The following NOS1 variants were observed in gnomAD, a reference collection of about 807,000 sequenced individuals.
NOS1 encodes the protein NOS type I.
NOS1 carries 51 observed loss-of-function variants against 164.5 expected under a neutral mutation model. The observed-to-expected ratio is 0.31, with a 90% CI of 0.25 to 0.39. The LOEUF is 0.39. NOS1 is among the 10% of genes least tolerant of loss of function. The probability of loss-of-function intolerance (pLI) is 1.00; values close to 1 mark genes in which losing one functional copy is unlikely to be tolerated. For missense variants in NOS1, 1,362 were observed against 1,885.6 expected (o/e 0.72, Z 5.14); for synonymous variants, 719 against 745.8 (o/e 0.96, Z 0.59).
At chr12:117,255,886 T>C in intron 16 of NOS1, 1 of 1,161,326 alleles carries the variant, frequency 8.6e-7, no homozygotes, top group Non-Finnish European at 1.2e-6. Context: ...GCATTGGGTG[T>C]GCATGCATAC....
chr12:117,260,643 A>C (rs773819800), intron 13 of NOS1, 34 bp from the exon 14 acceptor site: 29 of 1,599,326 alleles, frequency 1.8e-5, no homozygotes, highest in Non-Finnish European at 2.5e-5. Context: ...AAAAATGGGC[A>C]ACAGAAAAGG....
In NOS1 at chr12:117,210,318, A is replaced by C; in HGVS notation, c.*4991T>G. Reference sequence around the variant, plus strand: ...AGAGGACATTTGGATGCAGGAGACTATGAAGGTTGGGGACAGCCAGAGAGT... The same window carrying C: ...AGAGGACATTTGGATGCAGGAGACTCTGAAGGTTGGGGACAGCCAGAGAGT... On this transcript the variant is annotated 3_prime_UTR_variant, in exon 29 of 29. Coordinates refer to ENST00000317775, the MANE Select transcript of NOS1 (RefSeq NM_000620.5). 1.0e-6 allele frequency: 1 copy of C among 985,240 alleles called. No individual in the cohort carries two copies. Among genetic ancestry groups the C allele is most frequent in the Non-Finnish European group, 1.2e-6 (1 of 829,924 alleles). The allele number at this position is 985,240 out of a possible 1,614,324, so 61.0% of individuals were successfully genotyped here. A position where few individuals can be genotyped will look rare whatever the true frequency, so the allele number is the denominator to read the frequency against.
intron 1 of NOS1, among the ~76,000 whole-genome samples, chr12:117,347,165 T>A (rs1397336019): frequency 2.0e-5 from 3 of 152,010 alleles, no homozygotes; most frequent in Admixed American, 1.3e-4. Context: ...TGCACACCTG[T>A]AGTCCCAGCT....
chr12:117,261,474 CAT>C (rs950080385), intron 13 of NOS1, among the ~76,000 whole-genome samples: 5 of 151,744 alleles, frequency 3.3e-5, no homozygotes, highest in African/African-American at 1.2e-4. Context: ...TGTGTATGCA[CAT>C]GTGTGAATGA....
At chr12:117,306,454 T>C (rs1874151335) in intron 3 of NOS1, among the ~76,000 whole-genome samples, 1 of 152,130 alleles carries the variant, frequency 6.6e-6, no homozygotes, top group Non-Finnish European at 1.5e-5. Context: ...GGTCCTCATG[T>C]TATTTATCTA....
At chr12:117,304,158 C>T (rs772967965) in intron 3 of NOS1, among the ~76,000 whole-genome samples, 2 of 151,592 alleles carry the variant, frequency 1.3e-5, no homozygotes, top group Admixed American at 6.6e-5. Flanking sequence ...GGCGACAGAG[C>T]GAGACTCCAT....
At chr12:117,311,368 C>T (rs1593013592) in intron 3 of NOS1, 98 bp downstream of exon 3, 1 of 1,367,794 alleles carries the variant, frequency 7.3e-7, no homozygotes, top group East Asian at 2.7e-5. Context: ...CATCATGACA[C>T]AGTTTAGGAT....
Position 117,211,577 on chromosome 12 carries a change from C to T in NOS1, c.*3732G>A. On this transcript the variant is annotated 3_prime_UTR_variant, in exon 29 of 29. Transcript: ENST00000317775. ...CTCTCCCCACGGTCTGGTCCCAGCC[C>T]ACCTTTTCTCACCCTCCTCAGCCTT... 1.0e-6 allele frequency: 1 copy of T among 985,588 alleles called. No individual in the cohort carries two copies. The highest frequency in any genetic ancestry group is 1.2e-6 in the Non-Finnish European group (1 of 830,046). The allele number at this position is 985,588 out of a possible 1,614,324, so 61.1% of individuals were successfully genotyped here.
At chr12:117,302,332 C>G (rs182670141) in intron 3 of NOS1, among the ~76,000 whole-genome samples, 2 of 152,120 alleles carry the variant, frequency 1.3e-5, no homozygotes, top group African/African-American at 4.8e-5. Context: ...CGGTGGCTCA[C>G]GCCTGTAATC....
At chr12:117,219,543 G>A (rs777762216) in intron 27 of NOS1, among the ~76,000 whole-genome samples, 12 of 152,110 alleles carry the variant, frequency 7.9e-5, no homozygotes, top group Non-Finnish European at 1.6e-4. Flanking sequence ...CTGACCTTAG[G>A]TGATCCTCCC....
intron 8 of NOS1, 40 bp downstream of exon 8, chr12:117,280,685 G>A (rs1303725784): frequency 1.3e-6 from 2 of 1,595,748 alleles, no homozygotes; most frequent in East Asian, 2.2e-5. Context: ...GGACATAAGA[G>A]CCCATGTTGG....
In NOS1 at chr12:117,211,290, C is replaced by T. The variant is rs1956523666; in HGVS notation, c.*4019G>A. On this transcript the variant is annotated 3_prime_UTR_variant, in exon 29 of 29. Coordinates refer to ENST00000317775, the MANE Select transcript of NOS1 (RefSeq NM_000620.5). ...TGCTTTAATTTCTCCTTTATTCTCACCCTCTACAATGGATGGGGTGCCAGG... is the reference window on the plus strand; with the variant it reads ...TGCTTTAATTTCTCCTTTATTCTCATCCTCTACAATGGATGGGGTGCCAGG... 1 of 985,300 alleles carries T rather than the reference C, an allele frequency of 1.0e-6. No individual in the cohort carries two copies. The highest frequency in any genetic ancestry group is 1.2e-6 in the Non-Finnish European group (1 of 829,954). 61.0% of individuals were successfully genotyped at this position (985,300 alleles called of 1,614,324 possible).
chr12:117,320,358 G>A (rs376668691), intron 2 of NOS1, among the ~76,000 whole-genome samples: 4 of 152,142 alleles, frequency 2.6e-5, no homozygotes, highest in East Asian at 1.9e-4. Context: ...ATGTCACCAC[G>A]GAAGCAAGAT....
intron 2 of NOS1, among the ~76,000 whole-genome samples, chr12:117,313,929 T>C (rs1349689211): frequency 2.0e-5 from 3 of 152,220 alleles, no homozygotes; most frequent in Non-Finnish European, 4.4e-5. Context: ...GCATTAAGAC[T>C]GGCCCTTGTC....
intron 28 of NOS1, among the ~76,000 whole-genome samples, chr12:117,215,666 C>G (rs908439793): frequency 6.6e-6 from 1 of 152,154 alleles, no homozygotes; most frequent in Admixed American, 6.5e-5. Context: ...CTCCTGACCT[C>G]AGGTGATCTG....
At position 117,266,208 on chromosome 12, in the gene NOS1, G is replaced by A. The variant is rs9658390; in HGVS notation, c.1942-698C>T. ...TTTGTGAGATTTTGGTGCACCCATCGCCCGAGCAGTATACACTGCACACAA... is the reference window on the plus strand; with the variant it reads ...TTTGTGAGATTTTGGTGCACCCATCACCCGAGCAGTATACACTGCACACAA... On this transcript the variant is annotated intron_variant, in intron 11 of 28. Coordinates refer to ENST00000317775, the MANE Select transcript of NOS1 (RefSeq NM_000620.5). Among the ~76,000 whole-genome samples the A allele has an allele frequency of 7.3e-3, 1,115 of 152,012 alleles. 17 individuals are homozygous for A. Among genetic ancestry groups the A allele is most frequent in the African/African-American group, 0.025 (1,055 of 41,432 alleles).
At chr12:117,218,840 A>T (rs1956652919) in intron 27 of NOS1, among the ~76,000 whole-genome samples, 1 of 152,138 alleles carries the variant, frequency 6.6e-6, no homozygotes, top group Non-Finnish European at 1.5e-5. Context: ...GGGCAAGAGG[A>T]TCAAACAAAG....
chr12:117,277,684 T>C (rs1592980222), intron 9 of NOS1, among the ~76,000 whole-genome samples: 1 of 152,196 alleles, frequency 6.6e-6, no homozygotes, highest in African/African-American at 2.4e-5. Flanking sequence ...GCTCTTTCAA[T>C]GCTTAGGGCT....
At chr12:117,262,275 C>T (rs906574380) in intron 13 of NOS1, among the ~76,000 whole-genome samples, 1 of 152,004 alleles carries the variant, frequency 6.6e-6, no homozygotes. Flanking sequence ...CTCCCCTTTC[C>T]CCCCAGAGAC....
Sources: allele counts gnomAD v4.1 joint callset (sites outside exome capture counted in the v4.1 genomes callset), GRCh38; gene constraint gnomAD v4.1.1; transcripts MANE v1.5; gene names NCBI Gene and HGNC (gene_info 2026-07-23, HGNC 2026-07-21).